PPP1R9A: variants seen among roughly 807,000 people sequenced by gnomAD.
PPP1R9A encodes the protein protein phosphatase 1 regulatory subunit 9A, also known as neurabin-1.
Under a neutral mutation model 141.9 loss-of-function variants are expected in PPP1R9A, and 59 were observed. The observed-to-expected ratio is 0.42, with a 90% confidence interval of 0.34 to 0.52. The LOEUF is 0.52. Ranked by LOEUF, PPP1R9A falls within the 20% of genes least tolerant of loss-of-function variation. The pLI, the probability that PPP1R9A is intolerant of heterozygous loss-of-function variation, is 0.10. For synonymous variants in PPP1R9A, 500 were observed against 569.7 expected (o/e 0.88, Z 1.74); for missense variants, 1,444 against 1,611.9 (o/e 0.90, Z 1.78).
chr7:94,949,308 A>G (rs945731588), intron 2 of PPP1R9A, among the ~76,000 whole-genome samples: 1 of 152,064 alleles, frequency 6.6e-6, no homozygotes, highest in South Asian at 2.1e-4. Flanking sequence ...GATTTCCACC[A>G]TTCTCCCACA....
intron 16 of PPP1R9A, among the ~76,000 whole-genome samples, chr7:95,281,507 A>C (rs111743688): frequency 4.6e-5 from 7 of 152,320 alleles, no homozygotes; most frequent in African/African-American, 1.2e-4. Context: ...TGCTGGATGC[A>C]CAGGTCCATG....
intron 5 of PPP1R9A, among the ~76,000 whole-genome samples, chr7:95,176,912 G>T (rs1422856329): frequency 6.6e-6 from 1 of 152,152 alleles, no homozygotes; most frequent in Non-Finnish European, 1.5e-5. Flanking sequence ...TCCTGAGGAA[G>T]AAGACAAATC....
rs578013748 is a variant in PPP1R9A, at chr7:95,233,380, G to A, written c.2112+7264G>A. On this transcript the variant is annotated intron_variant, in intron 8 of 19. Coordinates refer to ENST00000433360, the MANE Select transcript of PPP1R9A (RefSeq NM_001166160.2). ...ACCAGGGCCTGTCAGGGGGTGGGGG[G>A]CAAGGGGAGGGATAGCATTAGAAAT... Among the ~76,000 whole-genome samples, 203 of 152,040 alleles carry A rather than the reference G, an allele frequency of 1.3e-3. 1 individual carries two copies. The highest frequency in any genetic ancestry group is 4.7e-3 in the African/African-American group (196 of 41,480).
chr7:95,062,218 GT>G (rs1345208438), intron 2 of PPP1R9A, among the ~76,000 whole-genome samples: 1 of 152,046 alleles, frequency 6.6e-6, no homozygotes, highest in Non-Finnish European at 1.5e-5. Flanking sequence ...TTATTGTAAA[GT>G]TTTGGAAACC....
chr7:95,252,256 C>T (rs747468430), intron 12 of PPP1R9A, 126 bp downstream of exon 12: 1 of 1,090,264 alleles, frequency 9.2e-7, no homozygotes, highest in South Asian at 2.5e-5. Context: ...GAAGAAAAGG[C>T]TTATCAAAAT....
In PPP1R9A at chr7:95,240,634, TAATTA is replaced by T. The variant is rs894899134; in HGVS notation, c.2113-6835_2113-6831del. On this transcript the variant is annotated intron_variant, in intron 8 of 19. Transcript: ENST00000433360. ...CCATTTTAAGTGTACAGTTTAATTG[TAATTA>T]AATATGCTTTTAAATTCAAATTCAT... 4.6e-5 allele frequency among the ~76,000 whole-genome samples: 7 copies of T among 152,250 alleles called. No individual in the cohort carries two copies. In the South Asian group the frequency reaches 8.3e-4, roughly 18 times the overall value.
rs1036704057 is a variant in PPP1R9A, at chr7:95,203,645, T to G, written c.1891-20T>G. On this transcript the variant is annotated intron_variant, in intron 6 of 19. Coordinates refer to ENST00000433360, the MANE Select transcript of PPP1R9A (RefSeq NM_001166160.2). ...GGTGGGGGTTAAGCCTTCTTTAATATTTTTTGTCAACCATTTTAGAACACT... is the reference window on the plus strand; with the variant it reads ...GGTGGGGGTTAAGCCTTCTTTAATAGTTTTTGTCAACCATTTTAGAACACT... 6.5e-7 allele frequency: 1 copy of G among 1,529,472 alleles called. No individual in the cohort carries two copies. The allele number at this position is 1,529,472 out of a possible 1,614,324, so 94.7% of individuals were successfully genotyped here.
chr7:94,921,285 A>T (rs1424597458), intron 2 of PPP1R9A, among the ~76,000 whole-genome samples: 1 of 151,966 alleles, frequency 6.6e-6, no homozygotes, highest in African/African-American at 2.4e-5. Flanking sequence ...TCTCTACTAA[A>T]AATACAAAAA....
At chr7:94,908,209 A>G (rs1791005710) in intron 1 of PPP1R9A, 1 of 144,152 alleles carries the variant, frequency 6.9e-6, no homozygotes, top group Non-Finnish European at 1.5e-5. Flanking sequence ...CGGCTTGTAC[A>G]AAGGCTGAGT....
intron 2 of PPP1R9A, among the ~76,000 whole-genome samples, chr7:94,932,188 A>C (rs1485723197): frequency 1.3e-5 from 2 of 152,222 alleles, no homozygotes; most frequent in East Asian, 3.8e-4. Flanking sequence ...TCTTAGAAAT[A>C]ATGGATTATG....
intron 12 of PPP1R9A, among the ~76,000 whole-genome samples, chr7:95,265,109 C>CA (rs200855695): frequency 1.4e-3 from 217 of 151,770 alleles, no homozygotes; most frequent in African/African-American, 4.0e-3. Context: ...TATGTAAAGC[C>CA]AAAAAAAATC....
At chr7:95,270,536 C>G (rs1311380318) in intron 14 of PPP1R9A, among the ~76,000 whole-genome samples, 1 of 151,988 alleles carries the variant, frequency 6.6e-6, no homozygotes, top group African/African-American at 2.4e-5. Context: ...TGATAAGCAT[C>G]TAACGGAATA....
chr7:94,919,571 CTCTTA>C (rs1792529018), intron 2 of PPP1R9A, among the ~76,000 whole-genome samples: 2 of 152,082 alleles, frequency 1.3e-5, no homozygotes, highest in Non-Finnish European at 2.9e-5. Flanking sequence ...TATCCTACTT[CTCTTA>C]TATTGTCACT....
chr7:95,238,016 A>G (rs1001510127), intron 8 of PPP1R9A, among the ~76,000 whole-genome samples: 1 of 152,054 alleles, frequency 6.6e-6, no homozygotes, highest in East Asian at 1.9e-4. Context: ...TATTACCTTG[A>G]CTTATTTTGA....
At chr7:95,026,775 C>A (rs182016629) in intron 2 of PPP1R9A, among the ~76,000 whole-genome samples, 163 of 152,130 alleles carry the variant, frequency 1.1e-3, no homozygotes, top group African/African-American at 3.4e-3. Flanking sequence ...TTCAGAGATA[C>A]CCTGCCCAGA....
At chr7:95,133,804 C>A (rs930804274) in intron 4 of PPP1R9A, among the ~76,000 whole-genome samples, 1 of 151,974 alleles carries the variant, frequency 6.6e-6, no homozygotes, top group Non-Finnish European at 1.5e-5. Context: ...TCAAGCAATT[C>A]TCCTGCTCCC....
intron 2 of PPP1R9A, among the ~76,000 whole-genome samples, chr7:95,026,007 C>A (rs1206250236): frequency 2.6e-5 from 4 of 152,146 alleles, no homozygotes; most frequent in African/African-American, 9.7e-5. Context: ...AGCTTCCTTG[C>A]ATTGGGTTAG....
At chr7:95,072,836 A>AT in intron 2 of PPP1R9A, among the ~76,000 whole-genome samples, 1 of 55,000 alleles carries the variant, frequency 1.8e-5, no homozygotes, top group Admixed American at 3.7e-4. Context: ...TATATATAAT[A>AT]ATTATTATAT....
intron 4 of PPP1R9A, among the ~76,000 whole-genome samples, chr7:95,151,941 C>CTTTTTTTTTTTTTTTTT (rs1167382285): frequency 3.1e-4 from 17 of 54,464 alleles, no homozygotes; most frequent in African/African-American, 5.4e-4. Context: ...TACTGAGAAT[C>CTTTTTTTTTTTTTTTTT]TTTTTTTTTT....
Sources: gnomAD v4.1 joint callset for allele counts (sites outside exome capture counted in the v4.1 genomes callset) on GRCh38, gnomAD v4.1.1 for gene constraint, MANE v1.5 for transcripts, NCBI Gene and HGNC (gene_info 2026-07-23, HGNC 2026-07-21) for gene names.